GALNT17: variants seen among roughly 807,000 people sequenced by gnomAD.
GALNT17 encodes polypeptide N-acetylgalactosaminyltransferase 17, also known as UDP-GalNAc:polypeptide N-acetylgalactosaminyltransferase-like 3.
Under a neutral mutation model 63.7 loss-of-function variants are expected in GALNT17, and 29 were observed. The observed-to-expected ratio is 0.46, with a 90% confidence interval of 0.34 to 0.62. The LOEUF (loss-of-function observed/expected upper bound fraction) is 0.62, where lower values mean the gene tolerates loss of function less well. Ranked by LOEUF, GALNT17 falls within the 20% of genes least tolerant of loss-of-function variation. The pLI, the probability that GALNT17 is intolerant of heterozygous loss-of-function variation, is 0.01. For synonymous variants in GALNT17, 305 were observed against 318.3 expected (o/e 0.96, Z 0.45); for missense variants, 603 against 799.6 (o/e 0.75, Z 2.97).
At chr7:71,554,040 C>T (rs1266164247) in intron 5 of GALNT17, among the ~76,000 whole-genome samples, 4 of 152,196 alleles carry the variant, frequency 2.6e-5, no homozygotes, top group East Asian at 1.9e-4. Context: ...TATTCATAGC[C>T]GATGCCCTTG....
intron 6 of GALNT17, among the ~76,000 whole-genome samples, chr7:71,584,548 A>G (rs1027484586): frequency 6.6e-6 from 1 of 152,218 alleles, no homozygotes; most frequent in South Asian, 2.1e-4. Context: ...CTTTAAAAAC[A>G]TAGTCTCGAC....
chr7:71,687,039 G>T lies in GALNT17; in HGVS notation c.1500+9733G>T, dbSNP rs1791370399. On this transcript the variant is annotated intron_variant, in intron 9 of 10. Coordinates refer to ENST00000333538, the MANE Select transcript of GALNT17 (RefSeq NM_022479.3). ...CAAGCTCTGTTCCCAGGACCTTTCT[G>T]ATTCAGTAGGCTCAGGGGAGGACAT... Among the ~76,000 whole-genome samples the T allele has an allele frequency of 5.3e-5, 8 of 152,264 alleles. No individual in the cohort carries two copies. The South Asian group carries it at 1.7e-3, about 32-fold the overall frequency.
chr7:71,470,282 T>C (rs1787606139), intron 5 of GALNT17, among the ~76,000 whole-genome samples: 2 of 152,158 alleles, frequency 1.3e-5, no homozygotes, highest in Non-Finnish European at 2.9e-5. Flanking sequence ...TGATACATTA[T>C]AAAAGGTAAG....
At chr7:71,664,390 G>A (rs946488259) in intron 6 of GALNT17, among the ~76,000 whole-genome samples, 5 of 152,040 alleles carry the variant, frequency 3.3e-5, no homozygotes, top group Admixed American at 2.6e-4. Context: ...TGGAAGAATC[G>A]CTTGAGACCA....
At chr7:71,494,160 G>A (rs7807152) in intron 5 of GALNT17, among the ~76,000 whole-genome samples, 274 of 152,132 alleles carry the variant, frequency 1.8e-3, no homozygotes, top group African/African-American at 6.3e-3. Context: ...CTCAGATGGT[G>A]GGAGGAGAGA....
chr7:71,418,676 G>C (rs1221035054), intron 4 of GALNT17, among the ~76,000 whole-genome samples: 1 of 152,254 alleles, frequency 6.6e-6, no homozygotes, highest in African/African-American at 2.4e-5. Context: ...CTGGGGGAAG[G>C]AGTGTGCTTC....
chr7:71,334,167 A>G (rs1200952763), intron 1 of GALNT17, among the ~76,000 whole-genome samples: 1 of 152,204 alleles, frequency 6.6e-6, no homozygotes, highest in Non-Finnish European at 1.5e-5. Context: ...GTGCTCGTTC[A>G]ACCTTTGCTT....
chr7:71,459,484 C>T (rs926344553), intron 5 of GALNT17, among the ~76,000 whole-genome samples: 1 of 152,174 alleles, frequency 6.6e-6, no homozygotes, highest in South Asian at 2.1e-4. Context: ...TTTTTCTTGT[C>T]TTGCCCAAAT....
chr7:71,218,146 C>A (rs558751950), intron 1 of GALNT17, among the ~76,000 whole-genome samples: 2 of 152,298 alleles, frequency 1.3e-5, no homozygotes, highest in South Asian at 4.1e-4. Flanking sequence ...GTAATCCCAG[C>A]AGTTTGGGAG....
intron 8 of GALNT17, among the ~76,000 whole-genome samples, chr7:71,671,130 C>T (rs1176868153): frequency 1.3e-5 from 2 of 152,060 alleles, no homozygotes; most frequent in African/African-American, 4.8e-5. Flanking sequence ...ACACTGGTGT[C>T]TTTTCCAATT....
chr7:71,306,177 A>G (rs943669132), intron 1 of GALNT17, among the ~76,000 whole-genome samples: 1 of 152,218 alleles, frequency 6.6e-6, no homozygotes, highest in African/African-American at 2.4e-5. Flanking sequence ...CCAAGATCGC[A>G]TCATTGCACT....
At chr7:71,498,859 C>T (rs1010577290) in intron 5 of GALNT17, among the ~76,000 whole-genome samples, 4 of 152,154 alleles carry the variant, frequency 2.6e-5, no homozygotes, top group African/African-American at 4.8e-5. Context: ...ATTTAAGGTC[C>T]TTCCTAACTC....
At chr7:71,261,649 A>G (rs1790387410) in intron 1 of GALNT17, among the ~76,000 whole-genome samples, 1 of 152,040 alleles carries the variant, frequency 6.6e-6, no homozygotes, top group South Asian at 2.1e-4. Context: ...GTGTGCCTTG[A>G]ATCCCTGAGG....
At position 71,678,275 on chromosome 7, in the gene GALNT17, C is replaced by T. The variant is rs113858791; in HGVS notation, c.1500+969C>T. On this transcript the variant is annotated intron_variant, in intron 9 of 10. Coordinates refer to ENST00000333538, the MANE Select transcript of GALNT17 (RefSeq NM_022479.3). ...GAGTAGCTGAGATTACAGGCTTGCA[C>T]CACCCTGCCCCAGCTAATTTTTGTA... 5.4e-3 allele frequency among the ~76,000 whole-genome samples: 826 copies of T among 151,890 alleles called. 10 individuals are homozygous for T. Among genetic ancestry groups the T allele is most frequent in the African/African-American group, 0.019 (783 of 41,466 alleles).
At chr7:71,629,163 G>A (rs531116413) in intron 6 of GALNT17, among the ~76,000 whole-genome samples, 1 of 152,050 alleles carries the variant, frequency 6.6e-6, no homozygotes, top group Admixed American at 6.6e-5. Context: ...AGCAGGAAGT[G>A]CATGGCACCT....
At chr7:71,259,626 G>GTTTTTTTT (rs1230386882) in intron 1 of GALNT17, among the ~76,000 whole-genome samples, 1 of 137,104 alleles carries the variant, frequency 7.3e-6, no homozygotes, top group African/African-American at 2.9e-5. Flanking sequence ...TCTTGGTCCT[G>GTTTTTTTT]TTTTGTTTTT....
chr7:71,542,275 A>G (rs968951158), intron 5 of GALNT17, among the ~76,000 whole-genome samples: 2 of 152,312 alleles, frequency 1.3e-5, no homozygotes, highest in South Asian at 4.1e-4. Context: ...AAGGTGGCCC[A>G]TAAATATACT....
intron 6 of GALNT17, among the ~76,000 whole-genome samples, chr7:71,591,968 G>A (rs1295594316): frequency 6.6e-6 from 1 of 152,188 alleles, no homozygotes; most frequent in Non-Finnish European, 1.5e-5. Context: ...CTGCCGAAAT[G>A]TCATTGTTTT....
intron 1 of GALNT17, among the ~76,000 whole-genome samples, chr7:71,183,916 C>T (rs1056838351): frequency 1.3e-5 from 2 of 152,048 alleles, no homozygotes; most frequent in African/African-American, 4.8e-5. Flanking sequence ...ACACACAAAG[C>T]AGCAGCAGGG....
Sources: allele counts gnomAD v4.1 joint callset (sites outside exome capture counted in the v4.1 genomes callset), GRCh38; gene constraint gnomAD v4.1.1; transcripts MANE v1.5; gene names NCBI Gene and HGNC (gene_info 2026-07-23, HGNC 2026-07-21).